AUTS2: variants seen among roughly 807,000 people sequenced by gnomAD.
AUTS2 encodes autism susceptibility gene 2 protein.
AUTS2 carries 17 observed loss-of-function variants against 112.4 expected under a neutral mutation model. The observed-to-expected ratio is 0.15, with a 90% CI of 0.10 to 0.23. AUTS2 has a LOEUF of 0.23. AUTS2 is among the 10% of genes least tolerant of loss of function. The pLI, the probability that AUTS2 is intolerant of heterozygous loss-of-function variation, is 1.00. For missense variants in AUTS2, 1,510 were observed against 1,701.6 expected (o/e 0.89, Z 1.98); for synonymous variants, 751 against 702.7 (o/e 1.07, Z -1.09).
At chr7:70,225,409 T>G (rs2129594046) in intron 4 of AUTS2, among the ~76,000 whole-genome samples, 1 of 152,306 alleles carries the variant, frequency 6.6e-6, no homozygotes, top group East Asian at 1.9e-4. Context: ...TTAATTTCTC[T>G]TATAGCATCT....
chr7:70,463,767 G>T (rs1350899686), intron 5 of AUTS2, among the ~76,000 whole-genome samples: 1 of 152,186 alleles, frequency 6.6e-6, no homozygotes, highest in African/African-American at 2.4e-5. Flanking sequence ...ATCTCATTGT[G>T]CTAGTATGGA....
chr7:69,960,871 A>T (rs1053892575), intron 2 of AUTS2, among the ~76,000 whole-genome samples: 3 of 152,102 alleles, frequency 2.0e-5, no homozygotes, highest in Non-Finnish European at 4.4e-5. Context: ...CTAGGTGCTC[A>T]TCAACTTCTG....
At chr7:70,305,855 G>T (rs1253790340) in intron 4 of AUTS2, among the ~76,000 whole-genome samples, 1 of 152,084 alleles carries the variant, frequency 6.6e-6, no homozygotes, top group Non-Finnish European at 1.5e-5. Context: ...TAAATTCTCA[G>T]ATTTGAGGAC....
At chr7:69,965,915 A>G (rs538106281) in intron 2 of AUTS2, among the ~76,000 whole-genome samples, 2 of 152,282 alleles carry the variant, frequency 1.3e-5, no homozygotes, top group South Asian at 2.1e-4. Context: ...CTGAAATACT[A>G]TTAGACTGTT....
intron 5 of AUTS2, among the ~76,000 whole-genome samples, chr7:70,486,195 C>A (rs921808042): frequency 6.6e-6 from 1 of 152,012 alleles, no homozygotes; most frequent in African/African-American, 2.4e-5. Flanking sequence ...GGAAAGGTGC[C>A]ACCCCAGTCC....
intron 5 of AUTS2, among the ~76,000 whole-genome samples, chr7:70,536,868 C>G (rs949932874): frequency 1.3e-5 from 2 of 151,728 alleles, no homozygotes; most frequent in African/African-American, 4.8e-5. Context: ...CCATTGCACT[C>G]CAGCCTGGGC....
At chr7:69,631,854 A>T (rs1794258980) in intron 1 of AUTS2, among the ~76,000 whole-genome samples, 1 of 152,226 alleles carries the variant, frequency 6.6e-6, no homozygotes, top group African/African-American at 2.4e-5. Flanking sequence ...AGAACCTTGT[A>T]TGTATAATGT....
chr7:69,773,634 A>G (rs1788767214), intron 1 of AUTS2, among the ~76,000 whole-genome samples: 1 of 152,164 alleles, frequency 6.6e-6, no homozygotes, highest in Non-Finnish European at 1.5e-5. Context: ...TGGGCTGTGC[A>G]GAGTTGATCT....
rs1037306914 is a variant in AUTS2 at position 70,606,502 on chromosome 7, G to T, written c.691-92067G>T. Among the ~76,000 whole-genome samples, 6 of 152,234 alleles carry T rather than the reference G, an allele frequency of 3.9e-5. No homozygotes were observed. The East Asian group carries it at 9.7e-4, about 24-fold the overall frequency. On this transcript the variant is annotated intron_variant, in intron 5 of 18. Transcript: ENST00000342771. ...CAGTGGTGAAAAAAGTAGACATGAA[G>T]CTTCATGAAGCTTATATTATAGTGC...
chr7:70,585,380 G>A (rs1802632807), intron 5 of AUTS2, among the ~76,000 whole-genome samples: 1 of 152,078 alleles, frequency 6.6e-6, no homozygotes, highest in Non-Finnish European at 1.5e-5. Flanking sequence ...GCATCAGGAG[G>A]GTCGCTAGAG....
At chr7:70,311,978 T>G (rs1789777639) in intron 4 of AUTS2, among the ~76,000 whole-genome samples, 1 of 152,166 alleles carries the variant, frequency 6.6e-6, no homozygotes, top group Admixed American at 6.5e-5. Context: ...CCTCCCAAAG[T>G]GCTGAGATTA....
intron 4 of AUTS2, among the ~76,000 whole-genome samples, chr7:70,340,781 A>T (rs1429244242): frequency 2.0e-5 from 3 of 152,252 alleles, no homozygotes; most frequent in Non-Finnish European, 4.4e-5. Context: ...TTTGACATTT[A>T]CAATTCTGCT....
chr7:70,096,769 A>G (rs549243095), intron 2 of AUTS2, among the ~76,000 whole-genome samples: 5 of 152,308 alleles, frequency 3.3e-5, no homozygotes, highest in South Asian at 4.2e-4. Context: ...GAAGGAGGAT[A>G]ATGCTGAGTT....
At chr7:70,761,776 T>C (rs2129556774) in intron 6 of AUTS2, among the ~76,000 whole-genome samples, 1 of 152,348 alleles carries the variant, frequency 6.6e-6, no homozygotes, top group Non-Finnish European at 1.5e-5. Context: ...GCAGCTATTT[T>C]CTATATTTCT....
intron 5 of AUTS2, among the ~76,000 whole-genome samples, chr7:70,444,392 GAA>G (rs71530001): frequency 5.3e-5 from 8 of 150,988 alleles, no homozygotes; most frequent in Non-Finnish European, 7.4e-5. Context: ...GAGAGAGAGA[GAA>G]AGAGTTAATC....
chr7:70,110,782 T>G (rs1422446056), intron 2 of AUTS2, among the ~76,000 whole-genome samples: 1 of 151,892 alleles, frequency 6.6e-6, no homozygotes, highest in Non-Finnish European at 1.5e-5. Context: ...TACTTTGCAT[T>G]AATGAAACTT....
At position 69,599,440 on chromosome 7, in the gene AUTS2, C is replaced by T. The variant is rs891828645; in HGVS notation, c.-214C>T. 10 of 413,068 alleles carry T rather than the reference C, an allele frequency of 2.4e-5. No individual in the cohort carries two copies. Among genetic ancestry groups the T allele is most frequent in the Non-Finnish European group, 4.0e-5 (10 of 247,588 alleles). The allele number at this position is 413,068 out of a possible 1,614,324, so 25.6% of individuals were successfully genotyped here. A position where few individuals can be genotyped will look rare whatever the true frequency, so the allele number is the denominator to read the frequency against. ...CTCCTCGCCTCTCGCCCTCGCTCCC[C>T]GTCCCTCCTCCCCTCTCTCCGCCCC... On this transcript the variant is annotated 5_prime_UTR_variant, in exon 1 of 19. Transcript: ENST00000342771. This position sits in a 1 kb window ranked among gnomAD's most constrained non-coding sequence, Gnocchi z 7.0.
At chr7:70,053,544 G>GTTTTTTTTTTTTTTTTTTTTTTT (rs200867539) in intron 2 of AUTS2, among the ~76,000 whole-genome samples, 1,322 of 127,392 alleles carry the variant, frequency 0.01, 80 homozygotes, top group Non-Finnish European at 0.014. Context: ...GTTTTGGGTG[G>GTTTTTTTTTTTTTTTTTTTTTTT]TTTTTTTTTT....
chr7:70,297,129 T>A (rs942531131), intron 4 of AUTS2, among the ~76,000 whole-genome samples: 1 of 151,712 alleles, frequency 6.6e-6, no homozygotes, highest in Non-Finnish European at 1.5e-5. Context: ...GGATTACAGA[T>A]GTAAGCTGCT....
Sources: gnomAD v4.1 joint callset for allele counts (sites outside exome capture counted in the v4.1 genomes callset) on GRCh38, gnomAD v4.1.1 for gene constraint, Gnocchi (gnomAD v3.1) non-coding constraint, MANE v1.5 for transcripts, NCBI Gene and HGNC (gene_info 2026-07-23, HGNC 2026-07-21) for gene names.